NELL2: variants seen among roughly 807,000 people sequenced by gnomAD.
NELL2 encodes neural EGFL like 2.
NELL2 carries 41 observed loss-of-function variants against 109.6 expected under a neutral mutation model. The ratio of observed to expected loss-of-function variants is 0.37; its 90% CI spans 0.29 to 0.49. The LOEUF is 0.49. Among genes scored for constraint, NELL2 ranks in the 20% least tolerant of loss-of-function variants. The pLI, the probability that NELL2 is intolerant of heterozygous loss-of-function variation, is 0.98. For missense variants in NELL2, 900 were observed against 1,008.3 expected, an observed-to-expected ratio of 0.89 and a Z score of 1.45; for synonymous variants, 355 against 344.7, an observed-to-expected ratio of 1.03 and a Z score of -0.33.
intron 14 of NELL2, among the ~76,000 whole-genome samples, chr12:44,608,274 G>C (rs933878647): frequency 2.6e-5 from 4 of 152,004 alleles, no homozygotes; most frequent in African/African-American, 9.7e-5. Context: ...CTTTTTCAGA[G>C]TAATAAAATG....
Position 44,711,413 on chromosome 12 carries a change from G to C in NELL2, c.1087-19C>G. 1 of 1,587,032 alleles carries C rather than the reference G, an allele frequency of 6.3e-7. No homozygotes were observed. Among genetic ancestry groups the C allele is most frequent in the Non-Finnish European group, 8.6e-7 (1 of 1,156,350 alleles). ...TCTGGTCCTGTTAGACAACAGAAAAGAAGTGCTTCAAATTTTATCATTAGG... is the reference window on the plus strand; with the variant it reads ...TCTGGTCCTGTTAGACAACAGAAAACAAGTGCTTCAAATTTTATCATTAGG... On this transcript the variant is annotated intron_variant, in intron 10 of 19. Transcript: ENST00000429094.
chr12:44,878,651 A>G (rs1945376729), upstream of NELL2, among the ~76,000 whole-genome samples: 2 of 152,330 alleles, frequency 1.3e-5, no homozygotes, highest in East Asian at 1.9e-4. Flanking sequence ...TACAATATAC[A>G]TACTTAACTT....
intron 1 of NELL2, among the ~76,000 whole-genome samples, chr12:44,902,831 G>A (rs1945677147): frequency 6.6e-6 from 1 of 152,178 alleles, no homozygotes; most frequent in Non-Finnish European, 1.5e-5. Context: ...AAATGGTGTT[G>A]GGAAAACTGG....
At chr12:44,741,979 C>G (rs578242603) in intron 9 of NELL2, among the ~76,000 whole-genome samples, 2 of 152,172 alleles carry the variant, frequency 1.3e-5, no homozygotes, top group Non-Finnish European at 2.9e-5. Context: ...TCCCAGCACA[C>G]AGTTTGAGAT....
chr12:44,747,140 TC>T lies in NELL2; in HGVS notation c.994+27606del, dbSNP rs558653152. ...AGCCATAAAACGTGATGAGTTCATG[TC>T]CTTTGTGGGGACATGGATGAAACTG... On this transcript the variant is annotated intron_variant, in intron 9 of 19. Transcript: ENST00000429094. Among the ~76,000 whole-genome samples, 839 of 152,308 alleles carry T rather than the reference TC, an allele frequency of 5.5e-3. 5 individuals carry two copies. Among genetic ancestry groups the T allele is most frequent in the Non-Finnish European group, 9.5e-3 (647 of 68,026 alleles).
intron 15 of NELL2, among the ~76,000 whole-genome samples, chr12:44,590,721 A>G (rs577530478): frequency 6.6e-6 from 1 of 152,296 alleles, no homozygotes; most frequent in African/African-American, 2.4e-5. Context: ...CAAAGATTTT[A>G]TGGGTAAGAC....
intron 3 of NELL2, among the ~76,000 whole-genome samples, chr12:44,800,659 C>T (rs1197439940): frequency 6.6e-6 from 1 of 152,134 alleles, no homozygotes; most frequent in African/African-American, 2.4e-5. Context: ...ATTTGGCTTC[C>T]AACCTTTCTC....
chr12:44,779,908 C>T lies in NELL2; in HGVS notation c.450G>A (p.Trp150Ter). 1 of 1,613,910 alleles carries T rather than the reference C, an allele frequency of 6.2e-7. No homozygotes were observed. The highest frequency in any genetic ancestry group is 8.5e-7 in the Non-Finnish European group (1 of 1,179,826). The change falls in exon 4 of 20, where the codon TGG (tryptophan) becomes TGA (stop). Residue 150 changes from tryptophan (W) to a stop codon, truncating the protein, a stop_gained. Coordinates refer to ENST00000429094, the MANE Select transcript of NELL2 (RefSeq NM_001145108.2). LOFTEE classifies it high-confidence loss of function. ...CACTGATGGCTAAGGAGAGCTTGTGCCACTTGTCATCAGCCAAAATGTAAG... is the reference window on the plus strand; with the variant it reads ...CACTGATGGCTAAGGAGAGCTTGTGTCACTTGTCATCAGCCAAAATGTAAG... The part of the protein sequence containing the change: ...VFPYILADDK[W>*]HKLSLAISAS...
At chr12:44,864,979 C>T (rs1383229712) in intron 2 of NELL2, among the ~76,000 whole-genome samples, 2 of 142,868 alleles carry the variant, frequency 1.4e-5, no homozygotes, top group Non-Finnish European at 3.0e-5. Flanking sequence ...AGTTTACAGT[C>T]CCACCAACAG....
intron 3 of NELL2, among the ~76,000 whole-genome samples, chr12:44,798,302 T>A (rs913292952): frequency 6.6e-6 from 1 of 151,916 alleles, no homozygotes; most frequent in African/African-American, 2.4e-5. Flanking sequence ...CATGACTATG[T>A]GCATAGAAAA....
At chr12:44,761,433 C>T (rs998249589) in intron 9 of NELL2, among the ~76,000 whole-genome samples, 1 of 152,114 alleles carries the variant, frequency 6.6e-6, no homozygotes, top group African/African-American at 2.4e-5. Flanking sequence ...TTAGTGGGAA[C>T]GTAAATTATT....
At chr12:44,814,898 C>A (rs1943291605) in intron 3 of NELL2, among the ~76,000 whole-genome samples, 1 of 152,200 alleles carries the variant, frequency 6.6e-6, no homozygotes, top group African/African-American at 2.4e-5. Context: ...GATTTATACC[C>A]ATGCTTGGAC....
At chr12:44,899,762 T>C (rs1945638638) in intron 1 of NELL2, among the ~76,000 whole-genome samples, 2 of 152,078 alleles carry the variant, frequency 1.3e-5, no homozygotes, top group African/African-American at 4.8e-5. Flanking sequence ...CACATAACAA[T>C]ATTAACCTTA....
rs562952043 is a variant in NELL2 at position 44,762,691 on chromosome 12, C to T, written c.994+12056G>A. 6.6e-5 allele frequency among the ~76,000 whole-genome samples: 10 copies of T among 152,330 alleles called. No homozygotes were observed. In the East Asian group the frequency reaches 1.9e-3, roughly 29 times the overall value. The stretch of plus-strand genomic sequence containing the variant: ...AGCCTCTGAATATTCAATCTCTCAG[C>T]TTACACATTCCTCTTTCTCCTCTTC... On this transcript the variant is annotated intron_variant, in intron 9 of 19. Transcript: ENST00000429094.
intron 15 of NELL2, among the ~76,000 whole-genome samples, chr12:44,549,052 A>T (rs1484125530): frequency 6.6e-6 from 1 of 152,240 alleles, no homozygotes; most frequent in East Asian, 1.9e-4. Flanking sequence ...ACAGGCAAGG[A>T]TAATTAATGA....
At chr12:44,577,950 T>G (rs1348568416) in intron 15 of NELL2, among the ~76,000 whole-genome samples, 1 of 152,186 alleles carries the variant, frequency 6.6e-6, no homozygotes, top group Non-Finnish European at 1.5e-5. Flanking sequence ...CTTTGAACCT[T>G]TTGAAGTCCT....
rs144976029 is a variant in NELL2 at position 44,655,099 on chromosome 12, T to C, written c.1444+10385A>G. ...AGTTTTCAGCTATCTGCTTTTCATA[T>C]AAAAATCTTGAAGTGAAACAACTAA... is the stretch of plus-strand genomic sequence containing the variant. On this transcript the variant is annotated intron_variant, in intron 13 of 19. Coordinates refer to ENST00000429094, the MANE Select transcript of NELL2 (RefSeq NM_001145108.2). Among the ~76,000 whole-genome samples the C allele has an allele frequency of 1.4e-3, 207 of 152,248 alleles. 1 individual carries two copies. Among genetic ancestry groups the C allele is most frequent in the African/African-American group, 4.6e-3 (191 of 41,540 alleles).
chr12:44,712,640 T>G (rs1252706371), intron 10 of NELL2, among the ~76,000 whole-genome samples: 3 of 151,950 alleles, frequency 2.0e-5, no homozygotes, highest in Non-Finnish European at 4.4e-5. Flanking sequence ...GAAAAGAAAC[T>G]GTGGAACACC....
At chr12:44,518,857 T>C (rs995081268) in intron 19 of NELL2, among the ~76,000 whole-genome samples, 2 of 152,222 alleles carry the variant, frequency 1.3e-5, no homozygotes, top group Non-Finnish European at 2.9e-5. Context: ...TATACATTAT[T>C]AGTAACTTTT....
Sources: gnomAD v4.1 joint callset for allele counts (sites outside exome capture counted in the v4.1 genomes callset) on GRCh38, gnomAD v4.1.1 for gene constraint, MANE v1.5 for transcripts, NCBI Gene and HGNC (gene_info 2026-07-23, HGNC 2026-07-21) for gene names.